The following ARHGAP32 variants were observed in gnomAD, a reference collection of about 807,000 sequenced individuals.
ARHGAP32 encodes the protein Rho GTPase activating protein 32, also known as rho GTPase-activating protein 32.
ARHGAP32 carries 51 observed loss-of-function variants against 186.5 expected under a neutral mutation model. The observed-to-expected ratio is 0.27, with a 90% confidence interval of 0.22 to 0.35. The LOEUF (loss-of-function observed/expected upper bound fraction) is 0.35, where lower values mean the gene tolerates loss of function less well. ARHGAP32 is among the 10% of genes least tolerant of loss of function. The probability of loss-of-function intolerance (pLI) is 1.00; values close to 1 mark genes in which losing one functional copy is unlikely to be tolerated. For missense variants in ARHGAP32, 2,186 were observed against 2,623.5 expected, an observed-to-expected ratio of 0.83 and a Z score of 3.64; for synonymous variants, 950 against 964.3, an observed-to-expected ratio of 0.99 and a Z score of 0.27.
At chr11:129,267,871 A>G (rs1208775525) in intron 1 of ARHGAP32, among the ~76,000 whole-genome samples, 1 of 152,152 alleles carries the variant, frequency 6.6e-6, no homozygotes, top group East Asian at 1.9e-4. Context: ...ATGGTGAGAG[A>G]GGAAGCAAGT....
At chr11:129,029,664 G>C (rs374116053) in intron 11 of ARHGAP32, among the ~76,000 whole-genome samples, 347 of 152,002 alleles carry the variant, frequency 2.3e-3, no homozygotes, top group African/African-American at 8.2e-3. Flanking sequence ...TTAGCCGGGC[G>C]TGGTGCAGGC....
intron 6 of ARHGAP32, among the ~76,000 whole-genome samples, chr11:129,071,938 G>C (rs377235361): frequency 6.6e-6 from 1 of 152,068 alleles, no homozygotes; most frequent in Non-Finnish European, 1.5e-5. Flanking sequence ...GACATTATGC[G>C]CAATAAAATA....
In ARHGAP32 at chr11:128,986,069, G is replaced by T; in HGVS notation, c.1460C>A (p.Ala487Glu). 6.2e-7 allele frequency: 1 copy of T among 1,606,082 alleles called. No homozygotes were observed. The highest frequency in any genetic ancestry group is 8.5e-7 in the Non-Finnish European group (1 of 1,177,528). ...YEKFSDAVSAATDEERLIKIH... is the reference protein window; with the variant it reads ...YEKFSDAVSAETDEERLIKIH... ...TTTTATCAGCCTTTCTTCATCTGTT[G>T]CTGCTGAAACTGCATCCTAGAAGAG... The change falls in exon 15 of 23, where the codon GCA becomes GAA. Residue 487 changes from alanine (A) to glutamate (E), a missense_variant. Transcript: ENST00000682385.
chr11:129,238,496 C>T (rs1407219276), intron 1 of ARHGAP32, among the ~76,000 whole-genome samples: 1 of 152,190 alleles, frequency 6.6e-6, no homozygotes, highest in East Asian at 1.9e-4. Context: ...TACCACCACA[C>T]ATCTATAAAT....
chr11:129,184,186 T>G (rs1944109461), intron 1 of ARHGAP32, among the ~76,000 whole-genome samples: 1 of 152,110 alleles, frequency 6.6e-6, no homozygotes, highest in Non-Finnish European at 1.5e-5. Context: ...ATTTAACAAC[T>G]GACCAGAAGG....
chr11:129,093,769 C>G (rs181833108), intron 5 of ARHGAP32, 62 bp from the exon 6 acceptor site: 10 of 1,181,420 alleles, frequency 8.5e-6, no homozygotes, highest in Admixed American at 6.1e-5. Context: ...CGAGAATAAA[C>G]TAAGCATTCA....
rs79817009 is a variant in ARHGAP32, at chr11:128,982,578, C to T, written c.1527-642G>A. On this transcript the variant is annotated intron_variant, in intron 15 of 22. Coordinates refer to ENST00000682385, the MANE Select transcript of ARHGAP32 (RefSeq NM_001378024.1). Reference sequence around the variant, plus strand: ...TCTCAAAGCGTCCTACCTAATAGTGCCCAGAGTAAAACTACTAAAGACAAC... The same window carrying T: ...TCTCAAAGCGTCCTACCTAATAGTGTCCAGAGTAAAACTACTAAAGACAAC... Among the ~76,000 whole-genome samples the T allele has an allele frequency of 2.1e-3, 326 of 151,822 alleles. 1 individual carries two copies. Among genetic ancestry groups the T allele is most frequent in the Admixed American group, 5.4e-3 (82 of 15,250 alleles).
In ARHGAP32 at chr11:128,966,049, A is replaced by G. The variant is rs1408637562; in HGVS notation, c.*2858T>C. On this transcript the variant is annotated 3_prime_UTR_variant, in exon 23 of 23. Transcript: ENST00000682385. Reference sequence around the variant, plus strand: ...GAATATAGTAAGAAATAAGGCTCCAATGAAATTTATTAATAAGAAAATGGC... The same window carrying G: ...GAATATAGTAAGAAATAAGGCTCCAGTGAAATTTATTAATAAGAAAATGGC... 5.9e-5 allele frequency: 9 copies of G among 152,364 alleles called. No individual in the cohort carries two copies. Among genetic ancestry groups the G allele is most frequent in the East Asian group, 1.9e-4 (1 of 5,194 alleles). The allele number at this position is 152,364 out of a possible 1,614,324, so 9.4% of individuals were successfully genotyped here.
In ARHGAP32 at chr11:128,968,913, T is replaced by A. The variant is rs147546090; in HGVS notation, c.6300A>T (p.Ala2100=). ...SLQHPETQIH[A]E is the part of the protein sequence containing the mutation. ...ACTCTATTGCTCGCAGGGCTCATTCTGCATGGATCTGTGTTTCAGGATGCT... is the reference window on the plus strand; with the variant it reads ...ACTCTATTGCTCGCAGGGCTCATTCAGCATGGATCTGTGTTTCAGGATGCT... The change falls in exon 23 of 23, where the codon GCA becomes GCT. Residue 2100 remains alanine, a synonymous_variant. Transcript: ENST00000682385. 2.2e-5 allele frequency: 33 copies of A among 1,513,906 alleles called. No homozygotes were observed. The highest frequency in any genetic ancestry group is 4.6e-5 in the East Asian group (2 of 43,570). 93.8% of individuals were successfully genotyped at this position (1,513,906 alleles called of 1,614,324 possible).
rs1163294346 is a variant in ARHGAP32, at chr11:128,970,953, G to A, written c.4260C>T (p.Pro1420=). ...GGGGCAGTGGTGCAGGAAAGCCACA[G>A]GGATGCGCAGGGACAGACTCGGCGC... ...HLRAESVPAH[P]CGFPAPLPPT... is the part of the protein sequence containing the mutation. Residue 1420 remains proline, a synonymous_variant, in exon 23 of 23, where the codon CCC becomes CCT. Transcript: ENST00000682385. The surrounding 1 kb of genome is among the most constrained non-coding windows in gnomAD (Gnocchi z 5.8). 4 of 1,613,984 alleles carry A rather than the reference G, an allele frequency of 2.5e-6. No individual in the cohort carries two copies. The Admixed American group carries it at 6.7e-5, about 27-fold the overall frequency.
intron 2 of ARHGAP32, among the ~76,000 whole-genome samples, chr11:129,157,275 C>T (rs907969068): frequency 7.2e-5 from 11 of 152,042 alleles, no homozygotes; most frequent in Non-Finnish European, 1.2e-4. Flanking sequence ...TAATAACAAA[C>T]TCCTCCAGGC....
In ARHGAP32 at chr11:129,007,367, C is replaced by T. The variant is rs1024791607; in HGVS notation, c.1046-8899G>A. 2.0e-5 allele frequency among the ~76,000 whole-genome samples: 3 copies of T among 152,004 alleles called. No homozygotes were observed. The South Asian group carries it at 6.2e-4, about 32-fold the overall frequency. ...CATATCTCAGAGTCTCACCCATGGCCCATGGCATACTACCCAGGTATCACT... is the reference window on the plus strand; with the variant it reads ...CATATCTCAGAGTCTCACCCATGGCTCATGGCATACTACCCAGGTATCACT... On this transcript the variant is annotated intron_variant, in intron 11 of 22. Coordinates refer to ENST00000682385, the MANE Select transcript of ARHGAP32 (RefSeq NM_001378024.1).
intron 10 of ARHGAP32, among the ~76,000 whole-genome samples, chr11:129,059,814 A>G (rs1300502547): frequency 2.6e-5 from 4 of 152,096 alleles, no homozygotes; most frequent in African/African-American, 9.7e-5. Context: ...TCTTTTTAAA[A>G]AAAGTTTGAC....
chr11:128,970,873 T>C lies in ARHGAP32; in HGVS notation c.4340A>G (p.Asp1447Gly), dbSNP rs1302758378. 6.2e-7 allele frequency: 1 copy of C among 1,614,232 alleles called. No homozygotes were observed. Among genetic ancestry groups the C allele is most frequent in the Non-Finnish European group, 8.5e-7 (1 of 1,180,038 alleles). ...ATGATAATTTGAACTGCTGGTGGCA[T>C]CTGCACTGCTGGAGTGTATGGCAGC... The part of the protein sequence containing the change: ...MIAAIHSSSA[D>G]ATSSSNYHSF... Residue 1447 changes from aspartate (D) to glycine (G), a missense_variant, in exon 23 of 23, where the codon GAT (aspartate) becomes GGT (glycine). Physicochemically the swap from Asp to Gly is moderately conservative, Grantham distance 94. Coordinates refer to ENST00000682385, the MANE Select transcript of ARHGAP32 (RefSeq NM_001378024.1). This position sits in a 1 kb window ranked among gnomAD's most constrained non-coding sequence, Gnocchi z 5.8.
rs1383112114 is a variant in ARHGAP32 at position 128,983,688 on chromosome 11, C to CA, written c.1527-1753dup. 1.0e-3 allele frequency among the ~76,000 whole-genome samples: 137 copies of CA among 137,314 alleles called. No individual in the cohort carries two copies. The Middle Eastern group carries it at 0.025, about 25-fold the overall frequency. The allele number at this position is 137,314 out of a possible 152,430, so 90.1% of individuals were successfully genotyped here. On this transcript the variant is annotated intron_variant, in intron 15 of 22. Coordinates refer to ENST00000682385, the MANE Select transcript of ARHGAP32 (RefSeq NM_001378024.1). ...ATAGAATAAAGCCAGGCTCCTCAGC[C>CA]AAAAAAAAAAGAAAACCATGTAAAA...
intron 1 of ARHGAP32, among the ~76,000 whole-genome samples, chr11:129,254,267 A>T (rs1945226496): frequency 6.6e-6 from 1 of 152,034 alleles, no homozygotes; most frequent in Non-Finnish European, 1.5e-5. Context: ...TAGTATAGGG[A>T]TCATATATTT....
intron 1 of ARHGAP32, among the ~76,000 whole-genome samples, chr11:129,188,344 A>G (rs2135548185): frequency 6.6e-6 from 1 of 152,334 alleles, no homozygotes; most frequent in Non-Finnish European, 1.5e-5. Flanking sequence ...TGCAGAAGAT[A>G]AAAGAACAGG....
chr11:128,997,875 C>T (rs756058854), intron 12 of ARHGAP32, among the ~76,000 whole-genome samples: 12 of 152,054 alleles, frequency 7.9e-5, no homozygotes, highest in Non-Finnish European at 1.5e-4. Flanking sequence ...GCGTGGGCAA[C>T]AAATCAAGGC....
At chr11:128,992,372 TACTA>T (rs1252615251) in intron 12 of ARHGAP32, among the ~76,000 whole-genome samples, 2 of 151,742 alleles carry the variant, frequency 1.3e-5, no homozygotes, top group African/African-American at 2.4e-5. Flanking sequence ...CAAAAAAAAA[TACTA>T]ACTCTTATGA....
Sources: gnomAD v4.1 joint callset for allele counts (sites outside exome capture counted in the v4.1 genomes callset) on GRCh38, gnomAD v4.1.1 for gene constraint, Gnocchi (gnomAD v3.1) non-coding constraint, MANE v1.5 for transcripts, NCBI Gene and HGNC (gene_info 2026-07-23, HGNC 2026-07-21) for gene names.